Variants in RBFOX2 observed in about 807,000 individuals in gnomAD.
The protein encoded by RBFOX2 is RNA binding fox-1 homolog 2.
Under a neutral mutation model 49.1 loss-of-function variants are expected in RBFOX2, and 10 were observed. The observed-to-expected ratio is 0.20, with a 90% CI of 0.13 to 0.35. The LOEUF is 0.35. Among genes scored for constraint, RBFOX2 ranks in the 10% least tolerant of loss-of-function variants. The probability of loss-of-function intolerance (pLI) is 1.00; values close to 1 mark genes in which losing one functional copy is unlikely to be tolerated. For synonymous variants in RBFOX2, 183 were observed against 187.4 expected (o/e 0.98, Z 0.19); for missense variants, 323 against 486.9 (o/e 0.66, Z 3.17).
chr22:35,941,736 A>G (rs576417366), upstream of RBFOX2, among the ~76,000 whole-genome samples: 6 of 152,328 alleles, frequency 3.9e-5, no homozygotes, highest in East Asian at 1.2e-3. Flanking sequence ...TGAAAAAAAT[A>G]TAAGGAAAAG....
intron 2 of RBFOX2, among the ~76,000 whole-genome samples, chr22:35,800,709 T>C (rs931073754): frequency 1.3e-5 from 2 of 152,150 alleles, no homozygotes; most frequent in African/African-American, 4.8e-5. Flanking sequence ...TTTTTTTTTT[T>C]TCCCCCAAGA....
chr22:35,905,375 A>G (rs2049014688), intron 1 of RBFOX2, among the ~76,000 whole-genome samples: 1 of 152,114 alleles, frequency 6.6e-6, no homozygotes, highest in South Asian at 2.1e-4. Flanking sequence ...CTGAAATATT[A>G]CTCTTTTATA....
At chr22:35,802,117 A>G (rs374687814) in intron 2 of RBFOX2, among the ~76,000 whole-genome samples, 1 of 152,290 alleles carries the variant, frequency 6.6e-6, no homozygotes, top group East Asian at 1.9e-4. Context: ...GCAAGTCTTA[A>G]CTATATATAT....
intron 1 of RBFOX2, among the ~76,000 whole-genome samples, chr22:35,830,469 G>C (rs5750184): frequency 0.031 from 4,767 of 152,284 alleles, 110 homozygotes; most frequent in Non-Finnish European, 0.046. Flanking sequence ...TGATGACAGG[G>C]ATATGTTCTG....
intron 1 of RBFOX2, among the ~76,000 whole-genome samples, chr22:35,864,487 C>T (rs1198103300): frequency 6.6e-6 from 1 of 152,208 alleles, no homozygotes; most frequent in Non-Finnish European, 1.5e-5. Context: ...CAAAGGTGAA[C>T]ATTTGGTACA....
At position 35,765,500 on chromosome 22, in the gene RBFOX2, G is replaced by T; in HGVS notation, c.547-17C>A. 1 of 1,492,252 alleles carries T rather than the reference G, an allele frequency of 6.7e-7. No homozygotes were observed. The highest frequency in any genetic ancestry group is 9.2e-7 in the Non-Finnish European group (1 of 1,082,000). The allele number at this position is 1,492,252 out of a possible 1,614,324, so 92.4% of individuals were successfully genotyped here. ...ATTATTCACCTAAAAATAACAAGGAGAAAAAAGGGCAGGGAAGAAGTGGAC... is the reference window on the plus strand; with the variant it reads ...ATTATTCACCTAAAAATAACAAGGATAAAAAAGGGCAGGGAAGAAGTGGAC... On this transcript the variant is annotated splice_polypyrimidine_tract_variant and intron_variant, in intron 5 of 11. Coordinates refer to ENST00000405409, the Ensembl canonical transcript of RBFOX2.
intron 1 of RBFOX2, among the ~76,000 whole-genome samples, chr22:35,908,844 AT>A (rs555305648): frequency 0.017 from 2,319 of 137,620 alleles, 33 homozygotes; most frequent in African/African-American, 0.049. Flanking sequence ...TTTCTCATCT[AT>A]TTTTTTTTTT....
chr22:35,898,233 A>G, intron 1 of RBFOX2: 1 of 757,196 alleles, frequency 1.3e-6, no homozygotes, highest in Non-Finnish European at 2.4e-6. Context: ...CTCCAAACCC[A>G]GTGGCCACAA....
chr22:36,013,658 G>C lies in RBFOX2; in HGVS notation c.186+14582C>G, dbSNP rs1168906817. Among the ~76,000 whole-genome samples the C allele has an allele frequency of 2.0e-5, 3 of 151,960 alleles. No homozygotes were observed. In the East Asian group the frequency reaches 5.8e-4, roughly 29 times the overall value. On this transcript the variant is annotated intron_variant, in intron 1 of 13. Coordinates refer to the RBFOX2 transcript ENST00000438146. ...ACACACACACACACACAGAGAGAGA[G>C]AGAGAGAGAGAGACCACTAATGAAA...
intron 1 of RBFOX2, among the ~76,000 whole-genome samples, chr22:36,023,261 C>T (rs1423150790): frequency 1.3e-5 from 2 of 152,142 alleles, no homozygotes; most frequent in African/African-American, 2.4e-5. Context: ...TCTGGAACCC[C>T]TTCCCTGAAA....
intron 1 of RBFOX2, among the ~76,000 whole-genome samples, chr22:35,894,330 CAAG>C (rs2047583245): frequency 6.6e-6 from 1 of 152,122 alleles, no homozygotes; most frequent in African/African-American, 2.4e-5. Flanking sequence ...ACCTATTTCA[CAAG>C]ACTATTGTGA....
intron 1 of RBFOX2, among the ~76,000 whole-genome samples, chr22:35,909,382 T>C (rs1308814116): frequency 2.6e-5 from 4 of 151,764 alleles, no homozygotes; most frequent in Non-Finnish European, 5.9e-5. Context: ...AGTTGAGAGG[T>C]TGTAAGGGGA....
intron 1 of RBFOX2, among the ~76,000 whole-genome samples, chr22:36,025,505 G>T (rs1055582862): frequency 6.6e-6 from 1 of 151,984 alleles, no homozygotes. Context: ...AGGGTTTTTT[G>T]TTGTTGTTGT....
intron 1 of RBFOX2, among the ~76,000 whole-genome samples, chr22:35,817,516 AGAGCATAGATGAT>A (rs1953387984): frequency 6.6e-6 from 1 of 151,874 alleles, no homozygotes; most frequent in Non-Finnish European, 1.5e-5. Flanking sequence ...AAATAAAAAG[AGAGCATAGATGAT>A]GAGAGGAAGG....
intron 1 of RBFOX2, among the ~76,000 whole-genome samples, chr22:35,857,085 G>A (rs1186396016): frequency 6.6e-6 from 1 of 152,158 alleles, no homozygotes; most frequent in Non-Finnish European, 1.5e-5. Flanking sequence ...AAGGGATTGT[G>A]TGACCAGTTT....
At chr22:35,925,053 G>A (rs1048719836) in intron 1 of RBFOX2, among the ~76,000 whole-genome samples, 12 of 151,962 alleles carry the variant, frequency 7.9e-5, no homozygotes, top group South Asian at 4.2e-4. Flanking sequence ...TTAGCCAGAC[G>A]TGGTGGCGCA....
chr22:35,941,453 C>A (rs534189035), upstream of RBFOX2, among the ~76,000 whole-genome samples: 1 of 152,032 alleles, frequency 6.6e-6, no homozygotes, highest in Non-Finnish European at 1.5e-5. Flanking sequence ...AGTAACTGGC[C>A]CAATAACACA....
Position 35,821,593 on chromosome 22 carries a change from C to T in RBFOX2, c.28-11589G>A, listed in dbSNP as rs557485877. On this transcript the variant is annotated intron_variant, in intron 1 of 11. Transcript: ENST00000405409. ...CTCCAGCCTGGGGGACAGAGTGAGA[C>T]TCCGTCTCCAAAAAAAAAAAAAAAA... is the stretch of plus-strand genomic sequence containing the variant. 3.5e-5 allele frequency among the ~76,000 whole-genome samples: 4 copies of T among 115,464 alleles called. No homozygotes were observed. The South Asian group carries it at 9.1e-4, about 26-fold the overall frequency. The allele number at this position is 115,464 out of a possible 152,430, so 75.7% of individuals were successfully genotyped here. A position where few individuals can be genotyped will look rare whatever the true frequency, so the allele number is the denominator to read the frequency against.
chr22:35,827,905 G>A (rs906186115), intron 1 of RBFOX2, among the ~76,000 whole-genome samples: 18 of 152,168 alleles, frequency 1.2e-4, no homozygotes, highest in African/African-American at 3.9e-4. Context: ...AGTGGCTCAC[G>A]CCTGTAATCC....
Sources: gnomAD v4.1 joint callset for allele counts (sites outside exome capture counted in the v4.1 genomes callset) on GRCh38, gnomAD v4.1.1 for gene constraint, MANE v1.5 for transcripts, NCBI Gene and HGNC (gene_info 2026-07-23, HGNC 2026-07-21) for gene names.